The following GJB1 variants were observed in gnomAD, a reference collection of about 807,000 sequenced individuals.
The protein encoded by GJB1 is gap junction beta-1 protein.
Under a neutral mutation model 12.0 loss-of-function variants are expected in GJB1, and 1 was observed. The ratio of observed to expected loss-of-function variants is 0.08; its 90% confidence interval spans 0.03 to 0.40. The LOEUF is 0.40. Among genes scored for constraint, GJB1 ranks in the 10% least tolerant of loss-of-function variants. The pLI is 0.98. For synonymous variants in GJB1, 114 were observed against 102.8 expected (o/e 1.11, Z -0.66); for missense variants, 140 against 250.3 (o/e 0.56, Z 2.97).
At chrX:71,217,232 T>C (rs2092527532) in intron 1 of GJB1, among the ~76,000 whole-genome samples, 1 of 111,554 alleles carries the variant, frequency 9.0e-6, no homozygotes, top group Non-Finnish European at 1.9e-5. Context: ...GAGGCCGCCA[T>C]AAGCAGCGCC....
intron 1 of GJB1, 131 bp from the exon 2 acceptor site, chrX:71,223,561 A>G: frequency 1.6e-6 from 1 of 613,063 alleles, no homozygotes; most frequent in South Asian, 2.4e-5. Context: ...TGACGAGGAA[A>G]GACATGACCA....
upstream of GJB1, among the ~76,000 whole-genome samples, chrX:71,220,079 G>A (rs2092533858): frequency 9.6e-6 from 1 of 103,967 alleles, no homozygotes; most frequent in Non-Finnish European, 1.9e-5. Context: ...CTGACCTCAG[G>A]TAATCCACCA....
intron 1 of GJB1, among the ~76,000 whole-genome samples, chrX:71,216,163 G>A (rs770601254): frequency 7.2e-5 from 8 of 111,232 alleles, no homozygotes; most frequent in East Asian, 5.7e-4. Context: ...GAGCCACCAC[G>A]CCCGGCCGGT....
At chrX:71,216,167 G>A (rs1038992625) in intron 1 of GJB1, among the ~76,000 whole-genome samples, 2 of 111,246 alleles carry the variant, frequency 1.8e-5, no homozygotes, top group African/African-American at 3.3e-5. Context: ...CACCACGCCC[G>A]GCCGGTTTGG....
intron 1 of GJB1, 129 bp from the exon 2 acceptor site, chrX:71,223,563 A>T: frequency 1.6e-6 from 1 of 623,964 alleles, no homozygotes; most frequent in South Asian, 2.3e-5. Flanking sequence ...ACGAGGAAAG[A>T]CATGACCATC....
upstream of GJB1, among the ~76,000 whole-genome samples, chrX:71,220,863 C>A (rs1602347456): frequency 1.1e-5 from 1 of 95,139 alleles, no homozygotes; most frequent in Non-Finnish European, 2.0e-5. Context: ...CCACCTGAAG[C>A]ATTTCTTTTC....
upstream of GJB1, among the ~76,000 whole-genome samples, chrX:71,218,649 C>T (rs1298911387): frequency 1.8e-5 from 2 of 109,406 alleles, no homozygotes; most frequent in African/African-American, 3.3e-5. Flanking sequence ...TTTCGGAGGC[C>T]GAGGCGGGCG....
At chrX:71,221,177 T>G (rs186082974), upstream of GJB1, among the ~76,000 whole-genome samples, 1 of 111,463 alleles carries the variant, frequency 9.0e-6, no homozygotes, top group Non-Finnish European at 1.9e-5. Flanking sequence ...TGAGCCACCT[T>G]GCCCAGCCCC....
upstream of GJB1, among the ~76,000 whole-genome samples, chrX:71,220,511 T>TGTTC (rs767963698): frequency 2.1e-5 from 2 of 96,841 alleles, no homozygotes; most frequent in Non-Finnish European, 4.1e-5. Context: ...TTTGTTTGTT[T>TGTTC]GTTCGTCTTT....
chrX:71,224,363 G>A lies in GJB1; in HGVS notation c.656G>A (p.Arg219His), dbSNP rs199834862. ...VVYLIIRACARRAQRRSNPPS... is the reference protein window; with the variant it reads ...VVYLIIRACAHRAQRRSNPPS... ...TACCTCATCATCCGGGCCTGTGCCCGCCGAGCCCAGCGCCGCTCCAATCCA... is the reference window on the plus strand; with the variant it reads ...TACCTCATCATCCGGGCCTGTGCCCACCGAGCCCAGCGCCGCTCCAATCCA... Residue 219 changes from arginine (R) to histidine (H), a missense_variant, in exon 2 of 2, where the codon CGC becomes CAC. This residue lies in a region of GJB1 where 75 missense variants were observed against 78.8 expected (regional missense o/e 0.95). Coordinates refer to ENST00000361726, the MANE Select transcript of GJB1 (RefSeq NM_000166.6). 6.6e-6 allele frequency: 8 copies of A among 1,206,933 alleles called. No homozygotes were observed. The highest frequency in any genetic ancestry group is 5.9e-5 in the East Asian group (2 of 33,666).
At chrX:71,215,832 A>T (rs1354442672) in intron 1 of GJB1, among the ~76,000 whole-genome samples, 2 of 109,967 alleles carry the variant, frequency 1.8e-5, no homozygotes, top group African/African-American at 6.6e-5. Flanking sequence ...AAGGAGGCAG[A>T]CTGACTCAAG....
In GJB1 at chrX:71,223,749, C is replaced by T. The variant is rs1262031967; in HGVS notation, c.42C>T (p.Asn14=). Residue 14 remains asparagine, a synonymous_variant, in exon 2 of 2, where the codon AAC becomes AAT. Coordinates refer to ENST00000361726, the MANE Select transcript of GJB1 (RefSeq NM_000166.6). ...TGTACACCTTGCTCAGTGGCGTGAACCGGCATTCTACTGCCATTGGCCGAG... is the reference window on the plus strand; with the variant it reads ...TGTACACCTTGCTCAGTGGCGTGAATCGGCATTCTACTGCCATTGGCCGAG... ...TGLYTLLSGV[N]RHSTAIGRVW... 8.3e-7 allele frequency: 1 copy of T among 1,208,028 alleles called. No individual in the cohort carries two copies.
upstream of GJB1, among the ~76,000 whole-genome samples, chrX:71,221,342 T>A (rs2092537748): frequency 9.8e-6 from 1 of 101,941 alleles, no homozygotes. Context: ...TTTATTTATT[T>A]ATTTATTTAT....
upstream of GJB1, among the ~76,000 whole-genome samples, chrX:71,218,977 G>A (rs2092531081): frequency 9.1e-6 from 1 of 109,686 alleles, no homozygotes; most frequent in Non-Finnish European, 1.9e-5. Flanking sequence ...TCTTAGATAA[G>A]TCCTTTCACC....
At position 71,224,836 on chromosome X, in the gene GJB1, A is replaced by G. The variant is rs759936874; in HGVS notation, c.*277A>G. On this transcript the variant is annotated 3_prime_UTR_variant, in exon 2 of 2. Coordinates refer to ENST00000361726, the MANE Select transcript of GJB1 (RefSeq NM_000166.6). ...CTTCCCTCTCCCTCTCTCTGGGACC[A>G]CTGGGTACAAGAGATGGGATGCTCC... The G allele has an allele frequency of 2.6e-4, 112 of 426,864 alleles. No individual in the cohort carries two copies. Among genetic ancestry groups the G allele is most frequent in the Non-Finnish European group, 4.3e-4 (101 of 237,561 alleles). The allele number at this position is 426,864 out of a possible 1,213,427, so 35.2% of individuals were successfully genotyped here.
upstream of GJB1, among the ~76,000 whole-genome samples, chrX:71,220,535 C>G (rs1489656022): frequency 9.2e-6 from 1 of 108,927 alleles, no homozygotes; most frequent in African/African-American, 3.4e-5. Flanking sequence ...GAGACGGAGT[C>G]TCACTCTTTC....
At chrX:71,220,469 G>T (rs1260911249), upstream of GJB1, among the ~76,000 whole-genome samples, 1 of 96,006 alleles carries the variant, frequency 1.0e-5, no homozygotes, top group Non-Finnish European at 2.1e-5. Context: ...ACTGCGCCTG[G>T]CCTAGGTTTT....
chrX:71,221,295 T>C (rs957486011), upstream of GJB1, among the ~76,000 whole-genome samples: 6 of 110,975 alleles, frequency 5.4e-5, no homozygotes, highest in African/African-American at 2.0e-4. Flanking sequence ...CCATGCTGGT[T>C]GGCACATGAC....
chrX:71,222,980 TC>T (rs2092540433), upstream of GJB1, among the ~76,000 whole-genome samples: 3 of 110,154 alleles, frequency 2.7e-5, no homozygotes, highest in Admixed American at 2.9e-4. Flanking sequence ...TTTATCTCCC[TC>T]CCCCCGCCCC....
Sources: allele counts gnomAD v4.1 joint callset (sites outside exome capture counted in the v4.1 genomes callset), GRCh38; gene constraint gnomAD v4.1.1; regional missense constraint gnomAD v4.1.1; transcripts MANE v1.5; gene names NCBI Gene and HGNC (gene_info 2026-07-23, HGNC 2026-07-21).